SCMH1: variants seen among roughly 807,000 people sequenced by gnomAD.
SCMH1 encodes the protein Scm polycomb group protein homolog 1.
In SCMH1, 37 loss-of-function variants were observed where a neutral mutation model predicts 70.8. That is an observed-to-expected ratio of 0.52 (90% CI 0.40 to 0.69). SCMH1 has a LOEUF of 0.69. SCMH1 is among the 30% of genes least tolerant of loss of function. The pLI, the probability that SCMH1 is intolerant of heterozygous loss-of-function variation, is 0.00. For missense variants in SCMH1, 607 were observed against 827.3 expected (o/e 0.73, Z 3.27); for synonymous variants, 292 against 307.4 (o/e 0.95, Z 0.52).
rs1288064255 is a variant in SCMH1, at chr1:41,160,516, G to GA, written c.106+358dup. On this transcript the variant is annotated intron_variant, in intron 4 of 14. Transcript: ENST00000337495. Reference sequence around the variant, plus strand: ...TATCTTACAAGTAATTTTTTTGGGGGAAAAATCCCACCAAACACTGATTTA... The same window carrying GA: ...TATCTTACAAGTAATTTTTTTGGGGGAAAAAATCCCACCAAACACTGATTTA... 3.3e-5 allele frequency among the ~76,000 whole-genome samples: 5 copies of GA among 152,080 alleles called. No homozygotes were observed. In the South Asian group the frequency reaches 1.0e-3, roughly 32 times the overall value.
intron 6 of SCMH1, among the ~76,000 whole-genome samples, chr1:41,137,243 A>G (rs527712271): frequency 1.3e-5 from 2 of 152,218 alleles, no homozygotes; most frequent in Admixed American, 6.5e-5. Flanking sequence ...CTGATGTTAA[A>G]TATTTAAGGC....
At chr1:41,143,210 C>G (rs1644256258) in intron 5 of SCMH1, 98 bp from the exon 6 acceptor site, 1 of 784,732 alleles carries the variant, frequency 1.3e-6, no homozygotes, top group Non-Finnish European at 2.1e-6. Flanking sequence ...CAGGGACAAC[C>G]AACTGAATTA....
At chr1:41,071,179 C>T (rs756988864) in intron 9 of SCMH1, among the ~76,000 whole-genome samples, 1 of 152,160 alleles carries the variant, frequency 6.6e-6, no homozygotes, top group South Asian at 2.1e-4. Context: ...ACCTCATTAC[C>T]TGCCATTCCC....
chr1:41,155,984 C>CAAAAAAAAAAAAA (rs386366781), intron 4 of SCMH1, among the ~76,000 whole-genome samples: 14 of 74,626 alleles, frequency 1.9e-4, no homozygotes, highest in African/African-American at 7.9e-4. Context: ...GACTCCGTCT[C>CAAAAAAAAAAAAA]AAAAAAAAAA....
intron 10 of SCMH1, among the ~76,000 whole-genome samples, chr1:41,069,464 A>G (rs946070638): frequency 1.3e-5 from 2 of 152,226 alleles, no homozygotes; most frequent in African/African-American, 2.4e-5. Context: ...TGTTTTTGTA[A>G]TAAGTTGTGT....
At chr1:41,241,142 C>T (rs541608811) in intron 1 of SCMH1, among the ~76,000 whole-genome samples, 2 of 152,360 alleles carry the variant, frequency 1.3e-5, no homozygotes, top group African/African-American at 4.8e-5. Flanking sequence ...CTTCGGATCA[C>T]TGGAAGAGGT....
intron 2 of SCMH1, among the ~76,000 whole-genome samples, chr1:41,175,930 T>C (rs1184346519): frequency 6.6e-6 from 1 of 151,984 alleles, no homozygotes; most frequent in Non-Finnish European, 1.5e-5. Flanking sequence ...AAAATTTTCA[T>C]AATTAGAAAA....
At chr1:41,063,307 A>G (rs1653422972) in intron 10 of SCMH1, among the ~76,000 whole-genome samples, 2 of 151,942 alleles carry the variant, frequency 1.3e-5, no homozygotes, top group Admixed American at 6.6e-5. Context: ...CCGCATCTCA[A>G]CTAAAAATAT....
At chr1:41,194,444 G>A (rs1035906485) in intron 1 of SCMH1, among the ~76,000 whole-genome samples, 2 of 152,162 alleles carry the variant, frequency 1.3e-5, no homozygotes, top group Non-Finnish European at 2.9e-5. Context: ...AACTACTGTA[G>A]ATCAAAGAAG....
intron 1 of SCMH1, among the ~76,000 whole-genome samples, chr1:41,225,487 T>C (rs954745123): frequency 6.6e-6 from 1 of 152,204 alleles, no homozygotes; most frequent in Non-Finnish European, 1.5e-5. Flanking sequence ...TAGACAGGAC[T>C]AGAACCATGT....
At chr1:41,082,914 A>T (rs1340546161) in intron 8 of SCMH1, among the ~76,000 whole-genome samples, 2 of 152,240 alleles carry the variant, frequency 1.3e-5, no homozygotes, top group African/African-American at 4.8e-5. Context: ...GCCTTTGACA[A>T]AATTCAACAA....
chr1:41,110,980 C>T (rs1669112861), intron 8 of SCMH1, among the ~76,000 whole-genome samples: 4 of 152,150 alleles, frequency 2.6e-5, no homozygotes, highest in African/African-American at 9.7e-5. Flanking sequence ...TAGCTGTATC[C>T]ATGGGTGTGA....
At chr1:41,065,940 A>AC (rs1324540751) in intron 10 of SCMH1, among the ~76,000 whole-genome samples, 1 of 152,200 alleles carries the variant, frequency 6.6e-6, no homozygotes, top group Non-Finnish European at 1.5e-5. Context: ...AGAACCTTGC[A>AC]CCCTGTTCAC....
intron 1 of SCMH1, among the ~76,000 whole-genome samples, chr1:41,230,034 G>C (rs961348133): frequency 2.0e-5 from 3 of 152,154 alleles, no homozygotes; most frequent in Admixed American, 6.5e-5. Flanking sequence ...ACTTAGCTAG[G>C]GGATGGTGGC....
intron 5 of SCMH1, among the ~76,000 whole-genome samples, chr1:41,148,268 C>T (rs973319845): frequency 2.0e-5 from 3 of 152,296 alleles, no homozygotes; most frequent in Non-Finnish European, 2.9e-5. Context: ...ATTGTCTACA[C>T]AATTATCTTT....
intron 7 of SCMH1, among the ~76,000 whole-genome samples, chr1:41,116,023 G>T (rs1670387484): frequency 6.6e-6 from 1 of 151,992 alleles, no homozygotes; most frequent in African/African-American, 2.4e-5. Flanking sequence ...TATTTAATTT[G>T]AATTTCCAAA....
At chr1:41,075,369 C>T in exon 9 of SCMH1, 2 of 1,614,098 alleles carry the variant, frequency 1.2e-6, no homozygotes, top group African/African-American at 1.3e-5. Flanking sequence ...GTTGATGTTC[C>T]AAGACAGTTT....
At chr1:41,160,951 A>G in intron 3 of SCMH1, 53 bp from the exon 4 acceptor site, 2 of 1,497,930 alleles carry the variant, frequency 1.3e-6, no homozygotes, top group Non-Finnish European at 1.8e-6. Flanking sequence ...ACATACCAAC[A>G]TGATGGAAGG....
rs184162282 is a variant in SCMH1 at position 41,187,765 on chromosome 1, C to A, written c.-117-1515G>T. On this transcript the variant is annotated intron_variant, in intron 1 of 14. Coordinates refer to ENST00000337495, the Ensembl canonical transcript of SCMH1. ...AGCCTGGACAACACAGTGAGACCCC[C>A]ATCTCTAGGAGTTTGAGACTCAGAA... is the stretch of plus-strand genomic sequence containing the variant. Among the ~76,000 whole-genome samples, 792 of 150,816 alleles carry A rather than the reference C, an allele frequency of 5.3e-3. 5 individuals are homozygous for A. Among genetic ancestry groups the A allele is most frequent in the Middle Eastern group, 0.037 (11 of 294 alleles).
Sources: gnomAD v4.1 joint callset for allele counts (sites outside exome capture counted in the v4.1 genomes callset) on GRCh38, gnomAD v4.1.1 for gene constraint, MANE v1.5 for transcripts, NCBI Gene and HGNC (gene_info 2026-07-23, HGNC 2026-07-21) for gene names.